Variants in ZDHHC11 observed in about 807,000 individuals in gnomAD.
ZDHHC11 encodes the protein palmitoyltransferase ZDHHC11.
ZDHHC11 carries 44 observed loss-of-function variants against 51.3 expected under a neutral mutation model. The observed-to-expected ratio is 0.86, with a 90% CI of 0.67 to 1.10. ZDHHC11 has a LOEUF of 1.10. ZDHHC11 is among the 50% of genes least tolerant of loss of function. ZDHHC11 has a pLI of 0.00. For missense variants in ZDHHC11, 400 were observed against 537.7 expected (o/e 0.74, Z 2.53); for synonymous variants, 163 against 222.0 (o/e 0.73, Z 2.36).
chr5:816,730 A>G, intron 10 of ZDHHC11: 1 of 537,482 alleles, frequency 1.9e-6, no homozygotes, highest in Non-Finnish European at 3.6e-6. Flanking sequence ...ATCTAAGGAG[A>G]AGACCATCTT....
At chr5:801,321 T>C (rs1400061849) in intron 11 of ZDHHC11, among the ~76,000 whole-genome samples, 157 bp from the exon 12 acceptor site, 1 of 151,596 alleles carries the variant, frequency 6.6e-6, no homozygotes. Flanking sequence ...AGAGCCTTCA[T>C]TTTTGTGAAA....
chr5:842,880 C>A (rs1210143860), intron 4 of ZDHHC11, among the ~76,000 whole-genome samples: 6 of 152,186 alleles, frequency 3.9e-5, no homozygotes, highest in African/African-American at 1.4e-4. Flanking sequence ...ACCCCTGCCT[C>A]CATCCTCACG....
chr5:858,815 G>A (rs892139000), intron 1 of ZDHHC11, among the ~76,000 whole-genome samples: 2 of 152,044 alleles, frequency 1.3e-5, no homozygotes, highest in Non-Finnish European at 2.9e-5. Flanking sequence ...TCCTTCAGGA[G>A]TGCAGGGATT....
Position 795,919 on chromosome 5 carries a change from C to A in ZDHHC11, c.*669G>T, listed in dbSNP as rs1377103645. ...GCTCCCATTTCCCAGTACTGTGCTC[C>A]CATTTCCCAGTACTGTGTGCTCCCA... On this transcript the variant is annotated 3_prime_UTR_variant, in exon 13 of 13. Coordinates refer to ENST00000283441, the MANE Select transcript of ZDHHC11 (RefSeq NM_024786.3). The A allele has an allele frequency of 9.2e-6, 1 of 108,938 alleles. No individual in the cohort carries two copies. Among genetic ancestry groups the A allele is most frequent in the Non-Finnish European group, 2.3e-5 (1 of 42,822 alleles). The allele number at this position is 108,938 out of a possible 1,614,324, so 6.7% of individuals were successfully genotyped here.
chr5:850,812 A>C lies in ZDHHC11; in HGVS notation c.-210T>G. 1 of 641,502 alleles carries C rather than the reference A, an allele frequency of 1.6e-6. No individual in the cohort carries two copies. The highest frequency in any genetic ancestry group is 2.0e-5 in the South Asian group (1 of 49,660). 39.7% of individuals were successfully genotyped at this position (641,502 alleles called of 1,614,324 possible). On this transcript the variant is annotated 5_prime_UTR_variant, in exon 1 of 13. Transcript: ENST00000283441. ...CAGGGCCCCGCCCAGGGGAATGAAC[A>C]GACATGCTGCAGAATGTGACCCCGG... is the stretch of plus-strand genomic sequence containing the variant.
At chr5:800,229 C>T (rs929669776) in intron 12 of ZDHHC11, among the ~76,000 whole-genome samples, 5 of 150,632 alleles carry the variant, frequency 3.3e-5, no homozygotes, top group African/African-American at 4.9e-5. Context: ...ATGTTTTGCC[C>T]GATCATAGGG....
intron 5 of ZDHHC11, among the ~76,000 whole-genome samples, chr5:837,757 A>T (rs1045690747): frequency 6.6e-6 from 1 of 151,876 alleles, no homozygotes; most frequent in African/African-American, 2.4e-5. Flanking sequence ...GGCCTCATTG[A>T]GCTGCATTGT....
intron 11 of ZDHHC11, among the ~76,000 whole-genome samples, chr5:804,498 A>T (rs1738961286): frequency 6.6e-6 from 1 of 151,158 alleles, no homozygotes; most frequent in Admixed American, 6.6e-5. Context: ...ACATCCAAGG[A>T]GCTCAACGAA....
upstream of ZDHHC11, among the ~76,000 whole-genome samples, chr5:852,286 C>T (rs1170209632): frequency 1.3e-5 from 2 of 152,158 alleles, no homozygotes; most frequent in Non-Finnish European, 2.9e-5. Context: ...CGCTCAGCGG[C>T]CTTGAGCCTT....
At chr5:844,656 C>G in intron 3 of ZDHHC11, among the ~76,000 whole-genome samples, 1 of 152,424 alleles carries the variant, frequency 6.6e-6, no homozygotes, top group Admixed American at 6.5e-5. Flanking sequence ...GGAGGGCCTG[C>G]AGGCTCAGGG....
At chr5:816,699 A>G (rs1255232119) in intron 10 of ZDHHC11, 2 of 592,190 alleles carry the variant, frequency 3.4e-6, no homozygotes, top group African/African-American at 3.7e-5. Context: ...TGATGATGGG[A>G]ATTCTGACTA....
chr5:856,838 CACCAA>C (rs1357279062), intron 1 of ZDHHC11, among the ~76,000 whole-genome samples: 1 of 151,260 alleles, frequency 6.6e-6, no homozygotes, highest in Non-Finnish European at 1.5e-5. Context: ...ACACCACACA[CACCAA>C]ACATCACACC....
Position 804,132 on chromosome 5 carries a change from T to A in ZDHHC11, c.1182-2968A>T, listed in dbSNP as rs145782480. On this transcript the variant is annotated intron_variant, in intron 11 of 12. Transcript: ENST00000283441. ...TGTGTTTTCTGCACTTTCAGTTACC[T>A]CTGGGTAACCACAGTCCAATAATAT... Among the ~76,000 whole-genome samples, 755 of 151,328 alleles carry A rather than the reference T, an allele frequency of 5.0e-3. 25 individuals carry two copies. Among genetic ancestry groups the A allele is most frequent in the African/African-American group, 0.017 (692 of 41,258 alleles).
Position 801,115 on chromosome 5 carries a change from C to G in ZDHHC11, c.1231G>C (p.Glu411Gln). ...CGTATCTTACCTGAATCTCAGTCTT[C>G]ACTTTCAGCACTGTCAGTTTTCATG... Reference protein sequence around the residue: ...EPMKTDSAESED With the variant: ...EPMKTDSAESQD The change falls in exon 12 of 13, where the codon GAA (glutamate) becomes CAA (glutamine). Residue 411 changes from glutamate (E) to glutamine (Q), a missense_variant. Physicochemically the swap from Glu to Gln is conservative, Grantham distance 29. Coordinates refer to ENST00000283441, the MANE Select transcript of ZDHHC11 (RefSeq NM_024786.3). 2.5e-6 allele frequency: 4 copies of G among 1,610,046 alleles called. No homozygotes were observed. The highest frequency in any genetic ancestry group is 2.5e-6 in the Non-Finnish European group (3 of 1,176,872).
chr5:850,015 C>T (rs554016257), intron 1 of ZDHHC11, among the ~76,000 whole-genome samples: 2 of 152,250 alleles, frequency 1.3e-5, no homozygotes, highest in African/African-American at 2.4e-5. Context: ...GGGCATGGCG[C>T]TGTTCCTCCT....
intron 12 of ZDHHC11, among the ~76,000 whole-genome samples, chr5:797,978 C>G (rs1407737013): frequency 6.6e-6 from 1 of 151,022 alleles, no homozygotes; most frequent in African/African-American, 2.4e-5. Context: ...ACCCACCTCA[C>G]ACAAATTTAG....
chr5:847,299 T>C lies in ZDHHC11; in HGVS notation c.503+215A>G, dbSNP rs1165052937. 4.0e-5 allele frequency among the ~76,000 whole-genome samples: 6 copies of C among 151,838 alleles called. No individual in the cohort carries two copies. The South Asian group carries it at 1.2e-3, about 32-fold the overall frequency. On this transcript the variant is annotated intron_variant, in intron 3 of 12. Transcript: ENST00000283441. ...GGGGGGCCTCCAGGGACTTACTCTA[T>C]GCGGATGAGCTTGTCCAGGGACGGC...
At chr5:798,466 T>G (rs1737917113) in intron 12 of ZDHHC11, among the ~76,000 whole-genome samples, 2 of 151,184 alleles carry the variant, frequency 1.3e-5, no homozygotes, top group Admixed American at 6.7e-5. Flanking sequence ...GTCCGATCCT[T>G]GTAAGTGACT....
At chr5:856,272 CCACAACACACAAAA>C (rs1409830647) in intron 1 of ZDHHC11, among the ~76,000 whole-genome samples, 1 of 148,728 alleles carries the variant, frequency 6.7e-6, no homozygotes, top group Non-Finnish European at 1.5e-5. Flanking sequence ...CAAACAGAAA[CCACAACACACAAAA>C]CACAACACAC....
Sources: gnomAD v4.1 joint callset for allele counts (sites outside exome capture counted in the v4.1 genomes callset) on GRCh38, gnomAD v4.1.1 for gene constraint, MANE v1.5 for transcripts, NCBI Gene and HGNC (gene_info 2026-07-23, HGNC 2026-07-21) for gene names.